Variants in KCNMB4 observed in about 807,000 individuals in gnomAD.
KCNMB4 encodes calcium-activated potassium channel subunit beta-4.
A neutral mutation model predicts 20.7 loss-of-function variants in KCNMB4; 3 were observed. The observed-to-expected ratio is 0.14, with a 90% CI of 0.07 to 0.37. The LOEUF (loss-of-function observed/expected upper bound fraction) is 0.37. KCNMB4 is among the 10% of genes least tolerant of loss of function. The probability of loss-of-function intolerance (pLI) is 1.00; values close to 1 mark genes in which losing one functional copy is unlikely to be tolerated. For missense variants in KCNMB4, 168 were observed against 265.9 expected (o/e 0.63, Z 2.56); for synonymous variants, 110 against 113.4 (o/e 0.97, Z 0.19).
chr12:70,426,556 C>T (rs1004164110), intron 2 of KCNMB4, among the ~76,000 whole-genome samples: 3 of 151,956 alleles, frequency 2.0e-5, no homozygotes, highest in Non-Finnish European at 2.9e-5. Flanking sequence ...CAACAAGCAC[C>T]GTTAAGTGAT....
chr12:70,420,824 C>T lies in KCNMB4; in HGVS notation c.465-9661C>T, dbSNP rs932017757. 3.9e-5 allele frequency among the ~76,000 whole-genome samples: 6 copies of T among 152,032 alleles called. No individual in the cohort carries two copies. The East Asian group carries it at 5.8e-4, about 15-fold the overall frequency. ...CTGTAATCCCAGCACTTTGGGAGGC[C>T]GAGGCGGGCGGATCATGAGGTCAAG... On this transcript the variant is annotated intron_variant, in intron 2 of 2. Coordinates refer to ENST00000258111, the MANE Select transcript of KCNMB4 (RefSeq NM_014505.6).
intron 2 of KCNMB4, among the ~76,000 whole-genome samples, chr12:70,426,330 A>G (rs542455154): frequency 4.6e-5 from 7 of 151,734 alleles, no homozygotes; most frequent in Admixed American, 1.3e-4. Context: ...TGACCTGAAC[A>G]TAAGTGTCAA....
intron 2 of KCNMB4, among the ~76,000 whole-genome samples, chr12:70,428,243 C>T (rs1342765275): frequency 2.6e-5 from 4 of 152,214 alleles, no homozygotes; most frequent in African/African-American, 9.7e-5. Context: ...TCCTGCCCGC[C>T]TCTGTCTCCC....
At chr12:70,403,626 A>G (rs1406343741) in intron 2 of KCNMB4, among the ~76,000 whole-genome samples, 1 of 152,168 alleles carries the variant, frequency 6.6e-6, no homozygotes, top group Non-Finnish European at 1.5e-5. Flanking sequence ...GTGCCCAGCT[A>G]GAGGAACTTT....
chr12:70,369,863 G>C (rs1883559786), intron 1 of KCNMB4, among the ~76,000 whole-genome samples: 4 of 152,050 alleles, frequency 2.6e-5, no homozygotes, highest in African/African-American at 9.7e-5. Context: ...GAGTATTCAA[G>C]GCAACAAATT....
chr12:70,408,567 GC>G (rs1343065811), intron 2 of KCNMB4, among the ~76,000 whole-genome samples: 1 of 152,008 alleles, frequency 6.6e-6, no homozygotes, highest in Admixed American at 6.6e-5. Flanking sequence ...GGCCGAAGCA[GC>G]CCCGAAGCAG....
chr12:70,384,174 T>C (rs1047810074), intron 1 of KCNMB4, among the ~76,000 whole-genome samples: 1 of 152,180 alleles, frequency 6.6e-6, no homozygotes, highest in South Asian at 2.1e-4. Flanking sequence ...TTCATGTAAA[T>C]TGAACATTTT....
chr12:70,400,347 A>G lies in KCNMB4; in HGVS notation c.464+11A>G. ...TAATCAACATCAAAGGTAAGTCAAT[A>G]TTTGCATGTGCGTGTTAAAATTGTT... On this transcript the variant is annotated intron_variant, in intron 2 of 2. Coordinates refer to ENST00000258111, the MANE Select transcript of KCNMB4 (RefSeq NM_014505.6). 2 of 1,602,712 alleles carry G rather than the reference A, an allele frequency of 1.2e-6. No homozygotes were observed. The highest frequency in any genetic ancestry group is 1.1e-5 in the South Asian group (1 of 88,470).
intron 2 of KCNMB4, among the ~76,000 whole-genome samples, chr12:70,412,031 G>T (rs1475469345): frequency 2.6e-5 from 4 of 152,158 alleles, no homozygotes; most frequent in African/African-American, 9.7e-5. Context: ...TTGGACAAAG[G>T]TAGAATTAGT....
intron 2 of KCNMB4, among the ~76,000 whole-genome samples, chr12:70,418,394 G>T (rs75385279): frequency 4.6e-4 from 69 of 151,584 alleles, no homozygotes; most frequent in African/African-American, 1.6e-3. Flanking sequence ...TTGTTAAAGT[G>T]ATCTTTCAAA....
chr12:70,369,307 G>A (rs990084196), intron 1 of KCNMB4, among the ~76,000 whole-genome samples: 3 of 152,182 alleles, frequency 2.0e-5, no homozygotes, highest in African/African-American at 7.2e-5. Context: ...CTTATAGGCA[G>A]TGTGATGGAA....
intron 1 of KCNMB4, among the ~76,000 whole-genome samples, chr12:70,369,472 G>T (rs1206448364): frequency 6.6e-6 from 1 of 152,136 alleles, no homozygotes; most frequent in Non-Finnish European, 1.5e-5. Flanking sequence ...TTTATTGAAG[G>T]CCTATGCTTC....
chr12:70,422,631 C>T, intron 2 of KCNMB4: 3 of 1,157,382 alleles, frequency 2.6e-6, no homozygotes, highest in Non-Finnish European at 3.4e-6. Context: ...GCCAAGCTGA[C>T]TTTAGAATAA....
intron 2 of KCNMB4, among the ~76,000 whole-genome samples, chr12:70,403,915 A>G (rs1868525066): frequency 6.6e-6 from 1 of 152,250 alleles, no homozygotes; most frequent in South Asian, 2.1e-4. Context: ...ATATTTGGTG[A>G]GTGAATGAAT....
chr12:70,368,378 C>CA lies in KCNMB4; in HGVS notation c.336+1318dup, dbSNP rs59631016. Among the ~76,000 whole-genome samples the CA allele has an allele frequency of 2.4e-3, 350 of 145,698 alleles. 2 individuals carry two copies. Among genetic ancestry groups the CA allele is most frequent in the East Asian group, 0.017 (84 of 5,082 alleles). ...TTTTAAAAATATGAATGACTCCTCT[C>CA]AAAAAAAAAATGCTCCTGTCGACAA... is the stretch of plus-strand genomic sequence containing the variant. On this transcript the variant is annotated intron_variant, in intron 1 of 2. Transcript: ENST00000258111.
intron 1 of KCNMB4, among the ~76,000 whole-genome samples, chr12:70,384,867 C>T (rs60103187): frequency 0.15 from 17,389 of 114,626 alleles, 1,307 homozygotes; most frequent in Middle Eastern, 0.29. Flanking sequence ...CAGTGAGACC[C>T]TGTCTCAAAA....
intron 1 of KCNMB4, among the ~76,000 whole-genome samples, chr12:70,384,873 C>CAAAAAAAAAAAAAAAAAA (rs57306622): frequency 4.7e-4 from 35 of 74,238 alleles, no homozygotes; most frequent in East Asian, 7.8e-4. Flanking sequence ...GACCCTGTCT[C>CAAAAAAAAAAAAAAAAAA]AAAAAAAAAA....
chr12:70,426,944 T>G (rs768469397), intron 2 of KCNMB4, among the ~76,000 whole-genome samples: 3 of 152,188 alleles, frequency 2.0e-5, no homozygotes, highest in Non-Finnish European at 2.9e-5. Context: ...GGCTTAAAAG[T>G]GTTTTTCATT....
intron 2 of KCNMB4, among the ~76,000 whole-genome samples, chr12:70,403,889 G>A (rs544880169): frequency 4.7e-4 from 71 of 152,310 alleles, no homozygotes; most frequent in African/African-American, 1.6e-3. Flanking sequence ...CACAATGTCT[G>A]GGTTTCAGGT....
Sources: gnomAD v4.1 joint callset for allele counts (sites outside exome capture counted in the v4.1 genomes callset) on GRCh38, gnomAD v4.1.1 for gene constraint, MANE v1.5 for transcripts, NCBI Gene and HGNC (gene_info 2026-07-23, HGNC 2026-07-21) for gene names.